Variants in BTBD9 observed in about 807,000 individuals in gnomAD.
BTBD9 encodes the protein BTB/POZ domain-containing protein 9.
Under a neutral mutation model 64.3 loss-of-function variants are expected in BTBD9, and 49 were observed. The observed-to-expected ratio is 0.76, with a 90% CI of 0.61 to 0.97. BTBD9 has a LOEUF of 0.97. BTBD9 is among the 50% of genes least tolerant of loss of function. The pLI, the probability that BTBD9 is intolerant of heterozygous loss-of-function variation, is 0.00. For synonymous variants in BTBD9, 260 were observed against 274.7 expected, an observed-to-expected ratio of 0.95 and a Z score of 0.53; for missense variants, 598 against 762.1, an observed-to-expected ratio of 0.78 and a Z score of 2.53.
At chr6:38,215,078 A>G (rs1176857234) in intron 9 of BTBD9, among the ~76,000 whole-genome samples, 2 of 152,202 alleles carry the variant, frequency 1.3e-5, no homozygotes, top group Non-Finnish European at 2.9e-5. Context: ...TTGCTGGGTG[A>G]AGGGGATGGG....
intron 6 of BTBD9, among the ~76,000 whole-genome samples, chr6:38,519,720 T>C (rs1006688697): frequency 2.0e-5 from 3 of 151,836 alleles, no homozygotes; most frequent in Admixed American, 6.6e-5. Flanking sequence ...GAATAAGGAG[T>C]GAAAGAGTTT....
At chr6:38,262,103 G>A (rs192158653) in intron 8 of BTBD9, among the ~76,000 whole-genome samples, 200 of 152,298 alleles carry the variant, frequency 1.3e-3, no homozygotes, top group Non-Finnish European at 2.0e-3. Context: ...TGCCTGCAAA[G>A]TGTATTCTTA....
intron 1 of BTBD9, among the ~76,000 whole-genome samples, chr6:38,626,949 C>T (rs993631795): frequency 1.3e-5 from 2 of 152,114 alleles, no homozygotes; most frequent in Admixed American, 6.5e-5. Context: ...ATTTAATTAC[C>T]ACTGAAATAA....
chr6:38,175,129 C>T lies in BTBD9; in HGVS notation c.1695G>A (p.Glu565=), dbSNP rs543260331. 2.9e-5 allele frequency: 47 copies of T among 1,614,226 alleles called. No homozygotes were observed. Among genetic ancestry groups the T allele is most frequent in the East Asian group, 2.2e-4 (10 of 44,882 alleles). ...ECPEQQSSQK[E]ENSEESGTGD... ...CTGTCCCCGATTCCTCACTATTTTC[C>T]TCCTTCTGGCTGCTCTGCTGCTCTG... The change falls in exon 11 of 11, where the codon GAG becomes GAA. Residue 565 remains glutamate (E), a synonymous_variant. Transcript: ENST00000481247.
At chr6:38,362,994 GA>G (rs377577277) in intron 6 of BTBD9, among the ~76,000 whole-genome samples, 2 of 152,288 alleles carry the variant, frequency 1.3e-5, no homozygotes, top group East Asian at 3.9e-4. Context: ...GGGAAAAAAA[GA>G]AGCTGAAAAT....
intron 8 of BTBD9, among the ~76,000 whole-genome samples, chr6:38,275,149 G>T (rs1197468498): frequency 2.0e-5 from 3 of 152,150 alleles, no homozygotes; most frequent in Non-Finnish European, 4.4e-5. Flanking sequence ...CCAAAACAGA[G>T]ATATAGATCA....
intron 6 of BTBD9, among the ~76,000 whole-genome samples, chr6:38,444,864 A>G (rs1351972250): frequency 6.6e-6 from 1 of 152,226 alleles, no homozygotes; most frequent in African/African-American, 2.4e-5. Context: ...TTCACTAACT[A>G]AAAGAAGATT....
chr6:38,309,935 T>C (rs919927417), intron 7 of BTBD9, among the ~76,000 whole-genome samples: 4 of 152,212 alleles, frequency 2.6e-5, no homozygotes, highest in Admixed American at 2.0e-4. Flanking sequence ...ATCAGATCTG[T>C]GGCAAGTATG....
At chr6:38,608,131 A>G (rs1034672819) in intron 1 of BTBD9, among the ~76,000 whole-genome samples, 6 of 152,180 alleles carry the variant, frequency 3.9e-5, no homozygotes, top group African/African-American at 7.2e-5. Flanking sequence ...TTGCTCTAGT[A>G]TATGACTCCC....
chr6:38,499,203 A>G (rs1350909005), intron 6 of BTBD9, among the ~76,000 whole-genome samples: 2 of 151,890 alleles, frequency 1.3e-5, no homozygotes, highest in Admixed American at 1.3e-4. Flanking sequence ...CATCCTCCTC[A>G]GCACACTGCC....
rs1561830308 is a variant in BTBD9 at position 38,175,011 on chromosome 6, G to GT, written c.1812dup (p.Arg605ThrfsTer17). On this transcript the variant is annotated frameshift_variant, in exon 11 of 11. Coordinates refer to ENST00000481247, the MANE Select transcript of BTBD9 (RefSeq NM_001099272.2). LOFTEE classifies it high-confidence loss of function. Reference sequence around the variant, plus strand: ...TATTGGTGCTGCCGGTTGGGGGAGCGTGAGTTGGAGCCTGGGCTGGAGGGT... The same window carrying GT: ...TATTGGTGCTGCCGGTTGGGGGAGCGTTGAGTTGGAGCCTGGGCTGGAGGGT... The GT allele has an allele frequency of 6.2e-7, 1 of 1,614,004 alleles. No homozygotes were observed. The highest frequency in any genetic ancestry group is 8.5e-7 in the Non-Finnish European group (1 of 1,180,034).
At chr6:38,480,857 TA>T (rs2127380203) in intron 6 of BTBD9, among the ~76,000 whole-genome samples, 1 of 152,298 alleles carries the variant, frequency 6.6e-6, no homozygotes, top group Admixed American at 6.5e-5. Context: ...AGACAGCATA[TA>T]GCCATCACAC....
At chr6:38,482,835 A>G (rs1771219244) in intron 6 of BTBD9, among the ~76,000 whole-genome samples, 1 of 152,178 alleles carries the variant, frequency 6.6e-6, no homozygotes, top group Admixed American at 6.5e-5. Context: ...CCACCAAGGC[A>G]CAAGCACTGT....
intron 10 of BTBD9, among the ~76,000 whole-genome samples, chr6:38,180,263 CGTG>C (rs975323587): frequency 6.6e-6 from 1 of 152,204 alleles, no homozygotes; most frequent in Non-Finnish European, 1.5e-5. Context: ...GCAAGCCTGT[CGTG>C]GGGAAACTGG....
intron 6 of BTBD9, among the ~76,000 whole-genome samples, chr6:38,478,645 T>C (rs1771000809): frequency 6.6e-6 from 1 of 152,230 alleles, no homozygotes; most frequent in Admixed American, 6.5e-5. Context: ...AGTGGGTTCT[T>C]GGCTTCCGGA....
chr6:38,534,424 A>G (rs558856237), intron 6 of BTBD9, among the ~76,000 whole-genome samples: 65 of 150,890 alleles, frequency 4.3e-4, no homozygotes, highest in African/African-American at 1.5e-3. Context: ...TCACTGCTGA[A>G]CTCTACCAAA....
At chr6:38,354,421 G>A (rs143785865) in intron 6 of BTBD9, among the ~76,000 whole-genome samples, 2 of 152,198 alleles carry the variant, frequency 1.3e-5, no homozygotes, top group East Asian at 3.9e-4. Context: ...TATATCTAAT[G>A]TATACAGTAT....
intron 6 of BTBD9, among the ~76,000 whole-genome samples, chr6:38,371,444 C>CG (rs1765423580): frequency 6.6e-6 from 1 of 152,150 alleles, no homozygotes. Flanking sequence ...TAGGGTAGAC[C>CG]GTGAGCCTTC....
intron 6 of BTBD9, among the ~76,000 whole-genome samples, chr6:38,390,863 A>G (rs567543714): frequency 6.7e-6 from 1 of 150,106 alleles, no homozygotes; most frequent in South Asian, 2.1e-4. Context: ...GACAGTCAAC[A>G]TCTTTACTTA....
Sources: gnomAD v4.1 joint callset for allele counts (sites outside exome capture counted in the v4.1 genomes callset) on GRCh38, gnomAD v4.1.1 for gene constraint, MANE v1.5 for transcripts, NCBI Gene and HGNC (gene_info 2026-07-23, HGNC 2026-07-21) for gene names.